Variants in SDK1 observed in about 807,000 individuals in gnomAD.
SDK1 encodes protein sidekick-1.
A neutral mutation model predicts 245.5 loss-of-function variants in SDK1; 157 were observed. That is an observed-to-expected ratio of 0.64 (90% CI 0.56 to 0.73). The LOEUF is 0.73. Among genes scored for constraint, SDK1 ranks in the 30% least tolerant of loss-of-function variants. SDK1 has a pLI of 0.00. For missense variants in SDK1, 3,583 were observed against 3,002.3 expected (o/e 1.19, Z -4.52); for synonymous variants, 1,647 against 1,278.5 (o/e 1.29, Z -6.15).
At chr7:4,169,600 G>A (rs1279904667) in intron 32 of SDK1, among the ~76,000 whole-genome samples, 3 of 152,162 alleles carry the variant, frequency 2.0e-5, no homozygotes, top group African/African-American at 4.8e-5. Context: ...TCTGGCACCC[G>A]GTGCACTATA....
At chr7:4,006,828 G>GC (rs1239519544) in intron 14 of SDK1, among the ~76,000 whole-genome samples, 1 of 152,212 alleles carries the variant, frequency 6.6e-6, no homozygotes, top group Non-Finnish European at 1.5e-5. Context: ...GAACCCTGAG[G>GC]CTGGGGTTCT....
chr7:4,188,893 G>C (rs369722019), intron 35 of SDK1, among the ~76,000 whole-genome samples: 1 of 152,034 alleles, frequency 6.6e-6, no homozygotes. Context: ...ACATTCCTTC[G>C]TTCCACAGAC....
chr7:4,122,998 A>C lies in SDK1; in HGVS notation c.3824-4383A>C, dbSNP rs554402357. Among the ~76,000 whole-genome samples, 106 of 152,314 alleles carry C rather than the reference A, an allele frequency of 7.0e-4. 1 individual carries two copies. Among genetic ancestry groups the C allele is most frequent in the African/African-American group, 2.5e-3 (102 of 41,568 alleles). On this transcript the variant is annotated intron_variant, in intron 25 of 44. Coordinates refer to ENST00000404826, the MANE Select transcript of SDK1 (RefSeq NM_152744.4). ...CACGTGAGAAGTTCAGCTGCGTTCA[A>C]AGCCCCGTTGGTGTCCGAATTGCTG...
At chr7:4,051,572 T>A (rs1789481202) in intron 18 of SDK1, 66 bp from the exon 19 acceptor site, 2 of 1,350,434 alleles carry the variant, frequency 1.5e-6, no homozygotes, top group Non-Finnish European at 2.0e-6. Context: ...AAAATTCTGC[T>A]GCAGACATGA....
At chr7:3,376,481 C>G (rs1407294525) in intron 1 of SDK1, among the ~76,000 whole-genome samples, 1 of 152,032 alleles carries the variant, frequency 6.6e-6, no homozygotes, top group Non-Finnish European at 1.5e-5. Context: ...TGGCTGAGGA[C>G]ACGAACAGGC....
intron 1 of SDK1, among the ~76,000 whole-genome samples, chr7:3,552,330 C>T (rs546969375): frequency 3.5e-4 from 53 of 152,256 alleles, no homozygotes; most frequent in African/African-American, 8.9e-4. Context: ...TGTGAGCCAC[C>T]GCGCCCAGCT....
At chr7:3,741,814 T>TCA (rs140597123) in intron 4 of SDK1, among the ~76,000 whole-genome samples, 46 of 150,754 alleles carry the variant, frequency 3.1e-4, no homozygotes, top group Middle Eastern at 3.4e-3. Context: ...ACACACACAT[T>TCA]CACACACACA....
chr7:3,406,465 C>G (rs1344052793), intron 1 of SDK1, among the ~76,000 whole-genome samples: 1 of 152,100 alleles, frequency 6.6e-6, no homozygotes, highest in Admixed American at 6.6e-5. Context: ...ATATGATTGT[C>G]AAGAACAGGC....
intron 7 of SDK1, among the ~76,000 whole-genome samples, chr7:3,956,135 G>A (rs147156169): frequency 6.6e-6 from 1 of 152,200 alleles, no homozygotes; most frequent in South Asian, 2.1e-4. Context: ...AGAAGTCCAG[G>A]GTGGACCCAT....
At chr7:3,687,526 C>T (rs544306285) in intron 4 of SDK1, among the ~76,000 whole-genome samples, 50 of 152,326 alleles carry the variant, frequency 3.3e-4, no homozygotes, top group Middle Eastern at 3.4e-3. Flanking sequence ...TAATGTGGGA[C>T]GCTGCTTCGC....
At chr7:3,540,882 C>T (rs1204351128) in intron 1 of SDK1, among the ~76,000 whole-genome samples, 1 of 152,184 alleles carries the variant, frequency 6.6e-6, no homozygotes, top group Non-Finnish European at 1.5e-5. Flanking sequence ...CAAGGAATCA[C>T]TATTTTTATA....
chr7:4,113,234 C>G, intron 23 of SDK1, 55 bp from the exon 24 acceptor site: 1 of 1,578,686 alleles, frequency 6.3e-7, no homozygotes. Context: ...TGGTTTCGTT[C>G]TTTTCCTTCT....
At chr7:3,981,019 T>TA (rs1783360156) in intron 13 of SDK1, among the ~76,000 whole-genome samples, 1 of 152,154 alleles carries the variant, frequency 6.6e-6, no homozygotes. Context: ...ATGCCTCAGG[T>TA]ATTGCACGTT....
intron 1 of SDK1, among the ~76,000 whole-genome samples, chr7:3,572,598 G>A (rs1473677576): frequency 1.3e-5 from 2 of 151,978 alleles, no homozygotes; most frequent in East Asian, 3.9e-4. Context: ...ATGCATGGTG[G>A]CTTCTATTAT....
At chr7:3,802,838 T>C (rs1304254158) in intron 4 of SDK1, among the ~76,000 whole-genome samples, 22 of 152,216 alleles carry the variant, frequency 1.4e-4, no homozygotes, top group Non-Finnish European at 1.5e-5. Context: ...GAGGTAGCAG[T>C]TTAACTCTTC....
chr7:4,265,434 T>G lies in SDK1; in HGVS notation c.*50T>G. ...GCGGAACGGAGGCAACTTTCCGGAG[T>G]CTATTTTTGTTAAGACAATCAACTC... On this transcript the variant is annotated 3_prime_UTR_variant, in exon 45 of 45. Transcript: ENST00000404826. The G allele has an allele frequency of 5.7e-6, 8 of 1,401,014 alleles. No homozygotes were observed. Among genetic ancestry groups the G allele is most frequent in the Non-Finnish European group, 7.4e-6 (8 of 1,086,036 alleles). The allele number at this position is 1,401,014 out of a possible 1,614,324, so 86.8% of individuals were successfully genotyped here. A position where few individuals can be genotyped will look rare whatever the true frequency, so the allele number is the denominator to read the frequency against.
chr7:4,243,865 C>A (rs1786675567), intron 43 of SDK1, among the ~76,000 whole-genome samples: 1 of 152,182 alleles, frequency 6.6e-6, no homozygotes, highest in South Asian at 2.1e-4. Flanking sequence ...GTAGCATCAT[C>A]CCCAAAATAT....
chr7:3,964,719 A>G (rs1289635456), intron 9 of SDK1, among the ~76,000 whole-genome samples: 4 of 152,158 alleles, frequency 2.6e-5, no homozygotes, highest in Admixed American at 1.3e-4. Flanking sequence ...CGGGAGCAAA[A>G]TGCTGATATC....
chr7:3,626,908 C>A (rs1583243342), intron 2 of SDK1, among the ~76,000 whole-genome samples: 1 of 151,330 alleles, frequency 6.6e-6, no homozygotes, highest in Non-Finnish European at 1.5e-5. Context: ...CCAATCATAT[C>A]TTGACCTCAG....
Sources: allele counts gnomAD v4.1 joint callset (sites outside exome capture counted in the v4.1 genomes callset), GRCh38; gene constraint gnomAD v4.1.1; transcripts MANE v1.5; gene names NCBI Gene and HGNC (gene_info 2026-07-23, HGNC 2026-07-21).